Variants in PLXNC1 observed in about 807,000 individuals in gnomAD.
PLXNC1 encodes the protein plexin-C1.
PLXNC1 carries 75 observed loss-of-function variants against 178.2 expected under a neutral mutation model. The observed-to-expected ratio is 0.42, with a 90% confidence interval of 0.35 to 0.51. PLXNC1 has a LOEUF of 0.51. Ranked by LOEUF, PLXNC1 falls within the 20% of genes least tolerant of loss-of-function variation. The probability of loss-of-function intolerance (pLI) is 0.02; values close to 1 mark genes in which losing one functional copy is unlikely to be tolerated. For synonymous variants in PLXNC1, 790 were observed against 779.9 expected (o/e 1.01, Z -0.22); for missense variants, 1,503 against 1,984.4 (o/e 0.76, Z 4.61).
intron 4 of PLXNC1, among the ~76,000 whole-genome samples, chr12:94,189,587 G>A (rs1446105362): frequency 2.0e-5 from 3 of 152,062 alleles, no homozygotes; most frequent in Non-Finnish European, 4.4e-5. Flanking sequence ...GGTTAAGGTG[G>A]GAGGCTTGCT....
intron 23 of PLXNC1, among the ~76,000 whole-genome samples, chr12:94,287,844 T>A (rs1401971030): frequency 6.6e-6 from 1 of 152,246 alleles, no homozygotes; most frequent in East Asian, 1.9e-4. Flanking sequence ...ATGCTTCTTG[T>A]GTACTGGGTA....
intron 3 of PLXNC1, 190 bp from the exon 4 acceptor site, chr12:94,186,183 A>T: frequency 1.9e-6 from 1 of 514,006 alleles, no homozygotes. Context: ...CACTGTCAAA[A>T]GCTCCCCAGG....
intron 6 of PLXNC1, among the ~76,000 whole-genome samples, chr12:94,223,842 C>A (rs1283791040): frequency 1.3e-5 from 2 of 152,092 alleles, no homozygotes; most frequent in African/African-American, 2.4e-5. Context: ...TCTAATGCTC[C>A]GGTTTTCATG....
chr12:94,284,770 C>T lies in PLXNC1; in HGVS notation c.3879+2369C>T, dbSNP rs1269874151. 3.9e-5 allele frequency among the ~76,000 whole-genome samples: 6 copies of T among 152,042 alleles called. No homozygotes were observed. The East Asian group carries it at 1.2e-3, about 29-fold the overall frequency. On this transcript the variant is annotated intron_variant, in intron 23 of 30. Transcript: ENST00000258526. ...CTTACAAGATGTAGGGGTAGGGAGG[C>T]AAGCAGGGAAGATGCAGATCACACA...
intron 27 of PLXNC1, among the ~76,000 whole-genome samples, chr12:94,300,154 T>C (rs1008552849): frequency 6.6e-6 from 1 of 152,174 alleles, no homozygotes; most frequent in African/African-American, 2.4e-5. Context: ...AAAGTCCAGG[T>C]CCCATTCTAA....
chr12:94,196,672 C>T (rs138013797), intron 4 of PLXNC1, among the ~76,000 whole-genome samples: 15 of 152,300 alleles, frequency 9.8e-5, no homozygotes, highest in Non-Finnish European at 2.1e-4. Flanking sequence ...ATTCAGAAGG[C>T]GGCTGCAGTG....
At chr12:94,238,873 G>A (rs1304640919) in intron 10 of PLXNC1, among the ~76,000 whole-genome samples, 1 of 152,170 alleles carries the variant, frequency 6.6e-6, no homozygotes, top group Non-Finnish European at 1.5e-5. Flanking sequence ...CTATTTGCCA[G>A]AATTATCAAG....
Position 94,268,655 on chromosome 12 carries a change from C to T in PLXNC1, c.3597+3430C>T, listed in dbSNP as rs138384186. On this transcript the variant is annotated intron_variant, in intron 21 of 30. Transcript: ENST00000258526. ...TCTAGTGCAGGCTGGAGTGCAGTGG[C>T]GCAGTCTTGGCTCACTGCAACCTCC... Among the ~76,000 whole-genome samples the T allele has an allele frequency of 1.7e-3, 220 of 133,210 alleles. 1 individual carries two copies. The highest frequency in any genetic ancestry group is 5.9e-3 in the African/African-American group (203 of 34,454). 87.4% of individuals were successfully genotyped at this position (133,210 alleles called of 152,430 possible). A position where few individuals can be genotyped will look rare whatever the true frequency, so the allele number is the denominator to read the frequency against.
chr12:94,152,997 A>T (rs751169907), intron 1 of PLXNC1, among the ~76,000 whole-genome samples: 53 of 152,252 alleles, frequency 3.5e-4, no homozygotes, highest in Non-Finnish European at 7.5e-4. Context: ...CAGCTCTCAA[A>T]TGTGCTAAGG....
In PLXNC1 at chr12:94,251,510, C is replaced by T; in HGVS notation, c.2863C>T (p.Leu955=). ...TTTTCTGATTGTGCTCCCTGTCTTG[C>T]TAGTGATTGTCATTTTTGGTAAGTG... ...WYFLIVLPVL[L]VIVIFAAVGV... Residue 955 remains leucine, a synonymous_variant, in exon 15 of 31, where the codon CTA becomes TTA. Transcript: ENST00000258526. 6.2e-7 allele frequency: 1 copy of T among 1,607,240 alleles called. No individual in the cohort carries two copies. The highest frequency in any genetic ancestry group is 8.5e-7 in the Non-Finnish European group (1 of 1,173,696).
intron 9 of PLXNC1, among the ~76,000 whole-genome samples, chr12:94,230,398 C>T (rs1199761059): frequency 1.3e-5 from 2 of 152,104 alleles, no homozygotes; most frequent in Non-Finnish European, 2.9e-5. Flanking sequence ...TCTCTCTGCA[C>T]CCTTTGAACT....
chr12:94,229,612 T>C (rs1302116422), intron 9 of PLXNC1, among the ~76,000 whole-genome samples: 1 of 152,222 alleles, frequency 6.6e-6, no homozygotes. Flanking sequence ...TTCTTTTGCA[T>C]GTGGATATCC....
chr12:94,236,789 A>G (rs768736823), intron 9 of PLXNC1, among the ~76,000 whole-genome samples: 15 of 152,234 alleles, frequency 9.9e-5, no homozygotes, highest in Non-Finnish European at 1.8e-4. Flanking sequence ...AAAATGGTCT[A>G]CAAAAGAACA....
chr12:94,265,027 A>G, intron 20 of PLXNC1, 52 bp from the exon 21 acceptor site: 1 of 1,573,664 alleles, frequency 6.4e-7, no homozygotes, highest in Non-Finnish European at 8.7e-7. Context: ...TTCTTTGGAA[A>G]GTACAGTGGA....
chr12:94,215,804 T>C (rs1461174840), intron 5 of PLXNC1, among the ~76,000 whole-genome samples: 4 of 151,956 alleles, frequency 2.6e-5, no homozygotes, highest in African/African-American at 4.8e-5. Flanking sequence ...AAAATAAAAT[T>C]TAGACTAATT....
rs1282782463 is a variant in PLXNC1, at chr12:94,305,978, A to C, written c.*693A>C. 1 of 152,190 alleles carries C rather than the reference A, an allele frequency of 6.6e-6. No individual in the cohort carries two copies. Among genetic ancestry groups the C allele is most frequent in the Non-Finnish European group, 1.5e-5 (1 of 68,042 alleles). The allele number at this position is 152,190 out of a possible 1,614,324, so 9.4% of individuals were successfully genotyped here. A position where few individuals can be genotyped will look rare whatever the true frequency, so the allele number is the denominator to read the frequency against. On this transcript the variant is annotated 3_prime_UTR_variant, in exon 31 of 31. Transcript: ENST00000258526. The stretch of plus-strand genomic sequence containing the variant: ...AAGTAAGGAGAGTGGGCTTTATTTA[A>C]ATGAACAGCATTTTAACCAGATACT...
intron 23 of PLXNC1, among the ~76,000 whole-genome samples, chr12:94,284,075 T>A (rs1592923023): frequency 1.6e-5 from 2 of 126,458 alleles, no homozygotes; most frequent in African/African-American, 3.2e-5. Flanking sequence ...AGAGCAAGAC[T>A]CCATGTCAGG....
intron 4 of PLXNC1, among the ~76,000 whole-genome samples, chr12:94,208,303 A>T (rs1963366448): frequency 6.6e-6 from 1 of 152,240 alleles, no homozygotes; most frequent in South Asian, 2.1e-4. Flanking sequence ...AGCCGGTGAC[A>T]TGCTAAAGGT....
intron 4 of PLXNC1, among the ~76,000 whole-genome samples, chr12:94,200,371 C>T (rs1002213961): frequency 1.3e-5 from 2 of 152,232 alleles, no homozygotes; most frequent in Non-Finnish European, 2.9e-5. Context: ...CTGTTCCCAG[C>T]ATCTCCTCCA....
Sources: allele counts gnomAD v4.1 joint callset (sites outside exome capture counted in the v4.1 genomes callset), GRCh38; gene constraint gnomAD v4.1.1; transcripts MANE v1.5; gene names NCBI Gene and HGNC (gene_info 2026-07-23, HGNC 2026-07-21).